Variants in ANKRD17 observed in about 807,000 individuals in gnomAD.
ANKRD17 encodes ankyrin repeat domain 17, also known as ankyrin repeat domain-containing protein 17.
ANKRD17 carries 19 observed loss-of-function variants against 229.7 expected under a neutral mutation model. The observed-to-expected ratio is 0.08, with a 90% CI of 0.06 to 0.12. The LOEUF is 0.12. Among genes scored for constraint, ANKRD17 ranks in the 10% least tolerant of loss-of-function variants. ANKRD17 has a pLI of 1.00. For synonymous variants in ANKRD17, 1,112 were observed against 1,146.1 expected (o/e 0.97, Z 0.60); for missense variants, 2,176 against 3,176.8 (o/e 0.68, Z 7.57).
intron 2 of ANKRD17, among the ~76,000 whole-genome samples, chr4:73,171,708 CGAA>C (rs1734063632): frequency 2.6e-5 from 4 of 152,050 alleles, no homozygotes; most frequent in Admixed American, 6.6e-5. Context: ...ATAAATTTAA[CGAA>C]GAGACTGAAA....
intron 1 of ANKRD17, among the ~76,000 whole-genome samples, chr4:73,190,445 C>T (rs1210121695): frequency 6.6e-6 from 1 of 151,264 alleles, no homozygotes; most frequent in Non-Finnish European, 1.5e-5. Context: ...TAGAAGCATC[C>T]CATTTAAATC....
At chr4:73,098,016 G>A in intron 26 of ANKRD17, 57 bp downstream of exon 26, 1 of 1,471,264 alleles carries the variant, frequency 6.8e-7, no homozygotes, top group Non-Finnish European at 9.2e-7. Context: ...AACAAATTCA[G>A]TAATAAGGTA....
In ANKRD17 at chr4:73,121,110, T is replaced by A. The variant is rs200991205; in HGVS notation, c.3636-16A>T. 6.0e-4 allele frequency: 961 copies of A among 1,597,854 alleles called. 15 individuals carry two copies. Among genetic ancestry groups the A allele is most frequent in the Non-Finnish European group, 8.7e-5 (101 of 1,165,634 alleles). ...GCTACCAGTTCTAGGGGTGCAGGTA[T>A]GGGGAAAACAAATGGAAAAATATAT... On this transcript the variant is annotated splice_polypyrimidine_tract_variant and intron_variant, in intron 19 of 33. Coordinates refer to ENST00000358602, the MANE Select transcript of ANKRD17 (RefSeq NM_032217.5).
chr4:73,107,962 AAATT>A (rs1252861317), intron 24 of ANKRD17, among the ~76,000 whole-genome samples: 1 of 152,208 alleles, frequency 6.6e-6, no homozygotes, highest in Non-Finnish European at 1.5e-5. Context: ...GTATGAGATT[AAATT>A]AATTGTTTGA....
At chr4:73,123,243 AT>A (rs935435709) in intron 18 of ANKRD17, among the ~76,000 whole-genome samples, 26 of 152,124 alleles carry the variant, frequency 1.7e-4, no homozygotes, top group Non-Finnish European at 1.8e-4. Context: ...TTCAAGCTAA[AT>A]AATGATTGAA....
At chr4:73,099,160 T>C in intron 25 of ANKRD17, 1 of 675,280 alleles carries the variant, frequency 1.5e-6, no homozygotes, top group Admixed American at 2.1e-5. Context: ...GTGTGCTGCC[T>C]GTGCCTCACT....
At chr4:73,087,793 T>G (rs1409994200) in intron 29 of ANKRD17, among the ~76,000 whole-genome samples, 4 of 152,002 alleles carry the variant, frequency 2.6e-5, no homozygotes, top group Non-Finnish European at 5.9e-5. Context: ...GGGTAAAGTA[T>G]CATGTTTGAA....
At chr4:73,250,098 C>T (rs1027773371) in intron 1 of ANKRD17, among the ~76,000 whole-genome samples, 9 of 152,102 alleles carry the variant, frequency 5.9e-5, no homozygotes, top group South Asian at 2.1e-4. Flanking sequence ...TTATCGCCAA[C>T]GCCTTAACTT....
At chr4:73,199,682 A>C (rs1247861883) in intron 1 of ANKRD17, among the ~76,000 whole-genome samples, 2 of 152,210 alleles carry the variant, frequency 1.3e-5, no homozygotes, top group Non-Finnish European at 2.9e-5. Context: ...TAATGACTAT[A>C]TAAAACTGTA....
At chr4:73,195,108 T>G (rs1737670096) in intron 1 of ANKRD17, among the ~76,000 whole-genome samples, 2 of 152,192 alleles carry the variant, frequency 1.3e-5, no homozygotes, top group Admixed American at 1.3e-4. Context: ...GTTCCTTTTC[T>G]GTATCTACTG....
chr4:73,206,425 TGAGAGAGAGAGA>T (rs1202477664), intron 1 of ANKRD17, among the ~76,000 whole-genome samples: 1 of 142,364 alleles, frequency 7.0e-6, no homozygotes, highest in African/African-American at 2.6e-5. Context: ...AGAAAGAAAG[TGAGAGAGAGAGA>T]GAGAGAGAGA....
chr4:73,096,622 AG>A (rs1723328405), intron 27 of ANKRD17, among the ~76,000 whole-genome samples: 1 of 152,236 alleles, frequency 6.6e-6, no homozygotes, highest in South Asian at 2.1e-4. Flanking sequence ...TCTGGATTTC[AG>A]GTGTCTTACC....
chr4:73,211,645 G>A lies in ANKRD17; in HGVS notation c.394-34112C>T, dbSNP rs550083718. Reference sequence around the variant, plus strand: ...GTGGATCACCTGAGGTCAGGAGTTCGAGACTAGTCTGGCCAACATGGTGAA... The same window carrying A: ...GTGGATCACCTGAGGTCAGGAGTTCAAGACTAGTCTGGCCAACATGGTGAA... On this transcript the variant is annotated intron_variant, in intron 1 of 33. Transcript: ENST00000358602. Among the ~76,000 whole-genome samples the A allele has an allele frequency of 5.5e-4, 84 of 152,040 alleles. 1 individual carries two copies. In the South Asian group the frequency reaches 0.016, roughly 29 times the overall value.
At chr4:73,087,064 C>G (rs1722277475) in intron 29 of ANKRD17, among the ~76,000 whole-genome samples, 2 of 147,636 alleles carry the variant, frequency 1.4e-5, no homozygotes, top group South Asian at 4.3e-4. Context: ...TACATACTAA[C>G]CACACGGCCA....
chr4:73,129,341 T>C (rs1263652369), intron 16 of ANKRD17, among the ~76,000 whole-genome samples: 2 of 152,108 alleles, frequency 1.3e-5, no homozygotes, highest in African/African-American at 2.4e-5. Context: ...AAACAAGAAA[T>C]AGTAACACAG....
chr4:73,192,346 C>G (rs963923542), intron 1 of ANKRD17, among the ~76,000 whole-genome samples: 1 of 149,538 alleles, frequency 6.7e-6, no homozygotes, highest in African/African-American at 2.5e-5. Flanking sequence ...CAGCCTGAAG[C>G]AAAAAAAACA....
intron 18 of ANKRD17, among the ~76,000 whole-genome samples, chr4:73,123,769 A>G (rs1727068472): frequency 6.6e-6 from 1 of 151,824 alleles, no homozygotes; most frequent in South Asian, 2.1e-4. Context: ...AACTAACTAG[A>G]GCTCAATATA....
intron 1 of ANKRD17, among the ~76,000 whole-genome samples, chr4:73,211,742 G>A (rs991325992): frequency 2.0e-5 from 3 of 151,730 alleles, no homozygotes; most frequent in South Asian, 2.1e-4. Flanking sequence ...AGCTACGTGG[G>A]AGGCTGAGGC....
chr4:73,255,273 T>A (rs1745357028), intron 1 of ANKRD17, among the ~76,000 whole-genome samples: 1 of 152,258 alleles, frequency 6.6e-6, no homozygotes, highest in Non-Finnish European at 1.5e-5. Context: ...TCCTTCCATT[T>A]TTCCTCTTTT....
Sources: allele counts gnomAD v4.1 joint callset (sites outside exome capture counted in the v4.1 genomes callset), GRCh38; gene constraint gnomAD v4.1.1; transcripts MANE v1.5; gene names NCBI Gene and HGNC (gene_info 2026-07-23, HGNC 2026-07-21).